Variants in MGAT4C observed in about 807,000 individuals in gnomAD.
The protein encoded by MGAT4C is alpha-1,3-mannosyl-glycoprotein 4-beta-N-acetylglucosaminyltransferase C.
In MGAT4C, 19 loss-of-function variants were observed where a neutral mutation model predicts 40.1. That is an observed-to-expected ratio of 0.47 (90% CI 0.33 to 0.70). MGAT4C has a LOEUF of 0.70. Among genes scored for constraint, MGAT4C ranks in the 30% least tolerant of loss-of-function variants. The probability of loss-of-function intolerance (pLI) is 0.02; values close to 1 mark genes in which losing one functional copy is unlikely to be tolerated. For missense variants in MGAT4C, 491 were observed against 563.2 expected (o/e 0.87, Z 1.30); for synonymous variants, 181 against 187.1 (o/e 0.97, Z 0.27).
chr12:86,262,119 C>A (rs1372726601), intron 4 of MGAT4C, among the ~76,000 whole-genome samples: 2 of 152,086 alleles, frequency 1.3e-5, no homozygotes, highest in African/African-American at 4.8e-5. Flanking sequence ...CTTCCACTAG[C>A]CTTCTCATCT....
intron 2 of MGAT4C, among the ~76,000 whole-genome samples, chr12:86,023,287 T>A (rs974557637): frequency 3.3e-5 from 5 of 152,068 alleles, no homozygotes; most frequent in Non-Finnish European, 4.4e-5. Context: ...TGTAAGGTCT[T>A]CAGAAATAAA....
chr12:86,140,441 A>G (rs1330094612), intron 1 of MGAT4C, among the ~76,000 whole-genome samples: 1 of 152,096 alleles, frequency 6.6e-6, no homozygotes, highest in East Asian at 1.9e-4. Flanking sequence ...TATCTCCTAT[A>G]AGTGAGAATT....
At chr12:86,278,608 T>C (rs1379514177) in intron 4 of MGAT4C, among the ~76,000 whole-genome samples, 1 of 152,218 alleles carries the variant, frequency 6.6e-6, no homozygotes, top group African/African-American at 2.4e-5. Flanking sequence ...GGTGGAGTCC[T>C]TAGGTTTTCC....
At chr12:86,176,236 G>A (rs537958340) in intron 1 of MGAT4C, among the ~76,000 whole-genome samples, 147 of 152,206 alleles carry the variant, frequency 9.7e-4, no homozygotes, top group African/African-American at 3.4e-3. Flanking sequence ...AATAGTGTGA[G>A]CTCTTGTACA....
At chr12:86,460,018 C>G (rs2136294624) in intron 2 of MGAT4C, among the ~76,000 whole-genome samples, 1 of 152,066 alleles carries the variant, frequency 6.6e-6, no homozygotes, top group South Asian at 2.1e-4. Flanking sequence ...TGATGCTGTA[C>G]TAACTTTGTA....
At chr12:86,806,490 C>G (rs1158202127) in intron 1 of MGAT4C, among the ~76,000 whole-genome samples, 2 of 151,422 alleles carry the variant, frequency 1.3e-5, no homozygotes, top group Non-Finnish European at 2.9e-5. Flanking sequence ...TTCTATATAA[C>G]TTTACCACGT....
At chr12:86,322,712 A>G (rs1055408928) in intron 4 of MGAT4C, among the ~76,000 whole-genome samples, 1 of 152,080 alleles carries the variant, frequency 6.6e-6, no homozygotes, top group Non-Finnish European at 1.5e-5. Context: ...TGCAAACAGA[A>G]TATTTTCCCT....
chr12:86,058,443 T>C (rs1368375784), intron 1 of MGAT4C, among the ~76,000 whole-genome samples: 1 of 152,154 alleles, frequency 6.6e-6, no homozygotes, highest in African/African-American at 2.4e-5. Context: ...CCTAGTAGTT[T>C]ATATAATATT....
At chr12:86,298,500 T>C (rs887922776) in intron 4 of MGAT4C, among the ~76,000 whole-genome samples, 4 of 152,118 alleles carry the variant, frequency 2.6e-5, no homozygotes, top group African/African-American at 9.6e-5. Context: ...TCTAGAATTC[T>C]GTCATAAAGG....
At chr12:86,274,245 T>C (rs1228134393) in intron 4 of MGAT4C, among the ~76,000 whole-genome samples, 1 of 152,114 alleles carries the variant, frequency 6.6e-6, no homozygotes, top group Non-Finnish European at 1.5e-5. Context: ...CAAGATCCAA[T>C]TACTTCCTAC....
chr12:85,990,587 T>A (rs929411873), intron 2 of MGAT4C, among the ~76,000 whole-genome samples: 8 of 152,106 alleles, frequency 5.3e-5, no homozygotes, highest in South Asian at 2.1e-4. Flanking sequence ...ATCTCTTCAA[T>A]GAATTAATGC....
chr12:86,752,097 T>C (rs1248102152), intron 1 of MGAT4C, among the ~76,000 whole-genome samples: 4 of 152,028 alleles, frequency 2.6e-5, no homozygotes, highest in South Asian at 2.1e-4. Context: ...ATAATTAAAT[T>C]GTAATGCTCG....
intron 4 of MGAT4C, among the ~76,000 whole-genome samples, chr12:86,318,291 A>C (rs1346657374): frequency 6.6e-6 from 1 of 152,190 alleles, no homozygotes; most frequent in Admixed American, 6.5e-5. Context: ...TTGAGCCTGA[A>C]ATTTCTTTCC....
At chr12:86,626,543 T>C (rs1962810580) in intron 2 of MGAT4C, among the ~76,000 whole-genome samples, 1 of 152,126 alleles carries the variant, frequency 6.6e-6, no homozygotes, top group African/African-American at 2.4e-5. Context: ...CAGATTAAGA[T>C]AAAAGAGAAT....
intron 2 of MGAT4C, among the ~76,000 whole-genome samples, chr12:86,627,280 C>A (rs1212920122): frequency 2.0e-5 from 3 of 152,208 alleles, no homozygotes; most frequent in Admixed American, 1.3e-4. Flanking sequence ...GTAGACTCCA[C>A]CTCTGGGGGC....
At chr12:86,681,235 G>A (rs1337881677) in intron 2 of MGAT4C, among the ~76,000 whole-genome samples, 1 of 151,882 alleles carries the variant, frequency 6.6e-6, no homozygotes, top group African/African-American at 2.4e-5. Context: ...AAGTAACCAT[G>A]TTAGGACTAA....
chr12:85,972,852 A>G lies in MGAT4C; in HGVS notation c.*6437T>C, dbSNP rs1400175258. 6.6e-6 allele frequency: 1 copy of G among 151,066 alleles called. No individual in the cohort carries two copies. The highest frequency in any genetic ancestry group is 2.1e-4 in the South Asian group (1 of 4,830). 9.4% of individuals were successfully genotyped at this position (151,066 alleles called of 1,614,324 possible). A position where few individuals can be genotyped will look rare whatever the true frequency, so the allele number is the denominator to read the frequency against. On this transcript the variant is annotated 3_prime_UTR_variant, in exon 5 of 5. Transcript: ENST00000611864. ...TTTAAGTGTGGCAGAAAATACATAC[A>G]TATGTTTAAAAGTAGGGAAAATTTT... is the stretch of plus-strand genomic sequence containing the variant.
chr12:86,257,655 T>C (rs1952561195), upstream of MGAT4C, among the ~76,000 whole-genome samples: 1 of 152,214 alleles, frequency 6.6e-6, no homozygotes, highest in Non-Finnish European at 1.5e-5. Context: ...GAAAATTATT[T>C]TTACTCAATG....
chr12:86,715,097 G>T (rs1231098689), intron 2 of MGAT4C, among the ~76,000 whole-genome samples: 2 of 152,006 alleles, frequency 1.3e-5, no homozygotes, highest in African/African-American at 4.8e-5. Context: ...TTCCTAAATA[G>T]CCCTTTACTT....
Sources: allele counts gnomAD v4.1 joint callset (sites outside exome capture counted in the v4.1 genomes callset), GRCh38; gene constraint gnomAD v4.1.1; transcripts MANE v1.5; gene names NCBI Gene and HGNC (gene_info 2026-07-23, HGNC 2026-07-21).